Variants in LOC128125817 observed in about 807,000 individuals in gnomAD.
chr1:41,627,900 C>A, the LOC128125817 span, among the ~76,000 whole-genome samples: 1 of 151,668 alleles, frequency 6.6e-6, no homozygotes, highest in Non-Finnish European at 1.5e-5. Flanking sequence ...CCCTCCCTTC[C>A]TTCCTTCCTT....
the LOC128125817 span, among the ~76,000 whole-genome samples, chr1:41,628,281 C>G: frequency 2.6e-5 from 4 of 152,180 alleles, no homozygotes; most frequent in African/African-American, 9.7e-5. Flanking sequence ...GCTGCTATGT[C>G]TCTAACTCCC....
the LOC128125817 span, among the ~76,000 whole-genome samples, chr1:41,597,440 G>A: frequency 6.6e-6 from 1 of 152,202 alleles, no homozygotes; most frequent in African/African-American, 2.4e-5. Context: ...CCTAGACGGA[G>A]CAAATGAACT....
the LOC128125817 span, among the ~76,000 whole-genome samples, chr1:41,607,618 A>G: frequency 6.7e-6 from 1 of 149,610 alleles, no homozygotes; most frequent in East Asian, 2.0e-4. Context: ...TTTCCATTTT[A>G]GGCCTTCTCT....
the LOC128125817 span, among the ~76,000 whole-genome samples, chr1:41,593,540 T>C: frequency 6.6e-6 from 1 of 152,304 alleles, no homozygotes; most frequent in East Asian, 1.9e-4. Flanking sequence ...GAAGGGAGAA[T>C]ACTTGATTAA....
At chr1:41,593,115 G>T in the LOC128125817 span, among the ~76,000 whole-genome samples, 2 of 152,198 alleles carry the variant, frequency 1.3e-5, no homozygotes, top group East Asian at 1.9e-4. Context: ...GAAATGCTGG[G>T]GAACTTTCTC....
chr1:41,599,891 A>T, the LOC128125817 span, among the ~76,000 whole-genome samples: 788 of 152,290 alleles, frequency 5.2e-3, 4 homozygotes, highest in African/African-American at 0.018. Context: ...AACGATTTTT[A>T]AAAAAATGAG....
At chr1:41,616,363 A>T in the LOC128125817 span, among the ~76,000 whole-genome samples, 1 of 152,182 alleles carries the variant, frequency 6.6e-6, no homozygotes, top group African/African-American at 2.4e-5. Context: ...CTTGGCATGT[A>T]TATTTTTGCA....
chr1:41,623,397 C>T, the LOC128125817 span, among the ~76,000 whole-genome samples: 1 of 152,332 alleles, frequency 6.6e-6, no homozygotes, highest in African/African-American at 2.4e-5. Flanking sequence ...TTAGCACACA[C>T]TTGCTATTTT....
chr1:41,614,613 C>G, the LOC128125817 span, among the ~76,000 whole-genome samples: 8 of 152,234 alleles, frequency 5.3e-5, no homozygotes, highest in East Asian at 1.5e-3. Flanking sequence ...ATTTATTCCA[C>G]AGTAGATTTG....
the LOC128125817 span, among the ~76,000 whole-genome samples, chr1:41,605,463 A>G: frequency 6.6e-6 from 1 of 152,168 alleles, no homozygotes; most frequent in East Asian, 1.9e-4. Context: ...TGGTTTGTGT[A>G]CATAACTGTA....
the LOC128125817 span, among the ~76,000 whole-genome samples, chr1:41,604,564 G>C: frequency 1.3e-5 from 2 of 152,132 alleles, no homozygotes; most frequent in Non-Finnish European, 2.9e-5. Context: ...TGCTTGCTGA[G>C]GAGACTTCAT....
At chr1:41,595,395 T>C in the LOC128125817 span, among the ~76,000 whole-genome samples, 15 of 152,262 alleles carry the variant, frequency 9.9e-5, no homozygotes, top group African/African-American at 3.6e-4. Context: ...CCTGGCCTCC[T>C]CTCTCTCCAT....
the LOC128125817 span, among the ~76,000 whole-genome samples, chr1:41,607,627 C>T: frequency 2.0e-5 from 3 of 151,326 alleles, no homozygotes; most frequent in Non-Finnish European, 1.5e-5. Context: ...TAGGCCTTCT[C>T]TTTCATTCTA....
the LOC128125817 span, among the ~76,000 whole-genome samples, chr1:41,594,371 C>T: frequency 4.2e-3 from 644 of 152,060 alleles, 6 homozygotes; most frequent in African/African-American, 0.015. Flanking sequence ...TACAGGCGTG[C>T]ACCACCACAC....
the LOC128125817 span, among the ~76,000 whole-genome samples, chr1:41,597,437 G>A: frequency 6.6e-6 from 1 of 152,178 alleles, no homozygotes; most frequent in African/African-American, 2.4e-5. Context: ...GTGCCTAGAC[G>A]GAGCAAATGA....
chr1:41,601,830 A>C, the LOC128125817 span, among the ~76,000 whole-genome samples: 1 of 152,252 alleles, frequency 6.6e-6, no homozygotes, highest in African/African-American at 2.4e-5. Flanking sequence ...GATTTTAGAG[A>C]AAAAACTTTT....
At chr1:41,595,121 A>C in the LOC128125817 span, among the ~76,000 whole-genome samples, 1 of 152,196 alleles carries the variant, frequency 6.6e-6, no homozygotes, top group Non-Finnish European at 1.5e-5. Context: ...CCATGTGAAT[A>C]TTGTAAATCT....
At chr1:41,611,312 A>T in the LOC128125817 span, among the ~76,000 whole-genome samples, 1 of 152,154 alleles carries the variant, frequency 6.6e-6, no homozygotes, top group Admixed American at 6.5e-5. Context: ...ACTTCCTTAA[A>T]CCAAAGGTGG....
chr1:41,616,544 T>A, the LOC128125817 span, among the ~76,000 whole-genome samples: 4 of 147,478 alleles, frequency 2.7e-5, no homozygotes, highest in Non-Finnish European at 5.9e-5. Context: ...AGGAGGCCAC[T>A]CACTGCCTGA....
Sources: gnomAD v4.1 joint callset for allele counts (sites outside exome capture counted in the v4.1 genomes callset) on GRCh38, gnomAD v4.1.1 for gene constraint, MANE v1.5 for transcripts.